Variants in PTPRM observed in about 807,000 individuals in gnomAD.
PTPRM encodes the protein receptor-type tyrosine-protein phosphatase mu.
Under a neutral mutation model 186.7 loss-of-function variants are expected in PTPRM, and 47 were observed. The ratio of observed to expected loss-of-function variants is 0.25; its 90% CI spans 0.20 to 0.32. The LOEUF (loss-of-function observed/expected upper bound fraction) is 0.32. Ranked by LOEUF, PTPRM falls within the 10% of genes least tolerant of loss-of-function variation. The pLI is 1.00. For missense variants in PTPRM, 1,494 were observed against 1,865.0 expected (o/e 0.80, Z 3.66); for synonymous variants, 668 against 674.9 (o/e 0.99, Z 0.16).
At chr18:8,012,106 C>CGCCACTGG (rs1414642107) in intron 7 of PTPRM, among the ~76,000 whole-genome samples, 2 of 152,170 alleles carry the variant, frequency 1.3e-5, no homozygotes, top group Non-Finnish European at 2.9e-5. Flanking sequence ...GTTGGAGAGA[C>CGCCACTGG]GCCACTGGGG....
intron 1 of PTPRM, among the ~76,000 whole-genome samples, chr18:7,702,632 A>G (rs2039990872): frequency 6.6e-6 from 1 of 152,138 alleles, no homozygotes; most frequent in Non-Finnish European, 1.5e-5. Flanking sequence ...ATTTTCTCCC[A>G]TTCTGGAGGT....
At chr18:7,838,717 G>A (rs1028490660) in intron 2 of PTPRM, among the ~76,000 whole-genome samples, 1 of 152,340 alleles carries the variant, frequency 6.6e-6, no homozygotes, top group Middle Eastern at 3.4e-3. Flanking sequence ...GTCAGCAGAT[G>A]GCAAAGCCAG....
intron 2 of PTPRM, among the ~76,000 whole-genome samples, chr18:7,874,016 G>A (rs1056535079): frequency 3.3e-5 from 5 of 151,898 alleles, no homozygotes; most frequent in Non-Finnish European, 7.4e-5. Flanking sequence ...GTCCTTATTG[G>A]CCTGAAGAGT....
At position 7,881,156 on chromosome 18, in the gene PTPRM, C is replaced by T. The variant is rs13353248; in HGVS notation, c.197-6950C>T. 7.2e-3 allele frequency among the ~76,000 whole-genome samples: 1,095 copies of T among 152,158 alleles called. 7 individuals are homozygous for T. The highest frequency in any genetic ancestry group is 0.026 in the African/African-American group (1,060 of 41,514). ...TGAAATGTAAAGAACAATATATTGG[C>T]GTGGCACAGTGGCTCACATCTGTAA... On this transcript the variant is annotated intron_variant, in intron 2 of 32. Transcript: ENST00000580170.
At chr18:7,994,503 C>G (rs2083433623) in intron 7 of PTPRM, among the ~76,000 whole-genome samples, 1 of 152,148 alleles carries the variant, frequency 6.6e-6, no homozygotes, top group South Asian at 2.1e-4. Flanking sequence ...CAGAACCTTT[C>G]ATCCGACAAC....
chr18:8,222,588 A>G (rs2094166276), intron 14 of PTPRM, among the ~76,000 whole-genome samples: 1 of 152,228 alleles, frequency 6.6e-6, no homozygotes, highest in South Asian at 2.1e-4. Flanking sequence ...GAGCGGGGAC[A>G]GAGAATGGTT....
intron 7 of PTPRM, among the ~76,000 whole-genome samples, chr18:8,012,427 T>C (rs894152068): frequency 6.6e-6 from 1 of 152,210 alleles, no homozygotes; most frequent in African/African-American, 2.4e-5. Context: ...CTAATTACAA[T>C]CATGCCTCGA....
intron 11 of PTPRM, among the ~76,000 whole-genome samples, chr18:8,094,413 G>A (rs2090913917): frequency 6.6e-6 from 1 of 151,670 alleles, no homozygotes; most frequent in Admixed American, 6.6e-5. Context: ...TTTTAAAGTG[G>A]CTTTATTTTA....
intron 2 of PTPRM, among the ~76,000 whole-genome samples, chr18:7,884,386 G>C (rs570675189): frequency 6.6e-6 from 1 of 152,100 alleles, no homozygotes; most frequent in African/African-American, 2.4e-5. Context: ...AAGGTGCTTG[G>C]CAGAGACTTT....
intron 7 of PTPRM, among the ~76,000 whole-genome samples, chr18:8,046,863 C>A (rs749929895): frequency 6.6e-6 from 1 of 152,092 alleles, no homozygotes; most frequent in African/African-American, 2.4e-5. Context: ...ACCTCCAACT[C>A]AAAGCTAAGC....
intron 19 of PTPRM, among the ~76,000 whole-genome samples, chr18:8,265,509 C>T (rs906934674): frequency 3.9e-5 from 6 of 152,128 alleles, no homozygotes; most frequent in African/African-American, 1.4e-4. Context: ...CATGAAAGCC[C>T]AAGGTTTTCT....
At chr18:7,762,172 A>G (rs555755811) in intron 1 of PTPRM, among the ~76,000 whole-genome samples, 104 of 152,192 alleles carry the variant, frequency 6.8e-4, no homozygotes, top group Non-Finnish European at 1.4e-3. Context: ...TGATAAGGAC[A>G]TCAAGAAAAC....
chr18:7,926,194 A>G (rs186618992), intron 4 of PTPRM, among the ~76,000 whole-genome samples: 1 of 152,326 alleles, frequency 6.6e-6, no homozygotes, highest in East Asian at 1.9e-4. Flanking sequence ...TGTTGCTGGT[A>G]TAAATATCTA....
chr18:7,578,557 G>C (rs572177186), intron 1 of PTPRM, among the ~76,000 whole-genome samples: 31 of 151,864 alleles, frequency 2.0e-4, no homozygotes, highest in Admixed American at 5.2e-4. Context: ...GGATGGTCTC[G>C]ATCTCCTGAC....
chr18:8,018,330 T>G (rs1381437015), intron 7 of PTPRM, among the ~76,000 whole-genome samples: 1 of 152,178 alleles, frequency 6.6e-6, no homozygotes, highest in Non-Finnish European at 1.5e-5. Context: ...CTTAGGAACC[T>G]TTTTAAATGC....
At chr18:7,615,294 A>G (rs1019526328) in intron 1 of PTPRM, among the ~76,000 whole-genome samples, 1 of 152,216 alleles carries the variant, frequency 6.6e-6, no homozygotes, top group Non-Finnish European at 1.5e-5. Flanking sequence ...AAGCACTGTC[A>G]TCATTTCTAT....
chr18:8,265,896 G>A (rs565512935), intron 19 of PTPRM, among the ~76,000 whole-genome samples: 1 of 152,238 alleles, frequency 6.6e-6, no homozygotes, highest in South Asian at 2.1e-4. Context: ...CAGTTTCATG[G>A]GCGTATTCTC....
chr18:7,775,495 G>T (rs2042536235), intron 2 of PTPRM, among the ~76,000 whole-genome samples: 1 of 151,986 alleles, frequency 6.6e-6, no homozygotes, highest in African/African-American at 2.4e-5. Context: ...CCTCCTGTGG[G>T]GCCGTCGTTT....
At chr18:8,331,795 T>C (rs1183076254) in intron 22 of PTPRM, among the ~76,000 whole-genome samples, 1 of 152,196 alleles carries the variant, frequency 6.6e-6, no homozygotes, top group Non-Finnish European at 1.5e-5. Flanking sequence ...TGTTAAACTG[T>C]AGACAAACAT....
Sources: allele counts gnomAD v4.1 joint callset (sites outside exome capture counted in the v4.1 genomes callset), GRCh38; gene constraint gnomAD v4.1.1; transcripts MANE v1.5; gene names NCBI Gene and HGNC (gene_info 2026-07-23, HGNC 2026-07-21).